The following UTP18 variants were observed in gnomAD, a reference collection of about 807,000 sequenced individuals.
The protein encoded by UTP18 is UTP18 small subunit processome component.
Under a neutral mutation model 61.1 loss-of-function variants are expected in UTP18, and 36 were observed. The observed-to-expected ratio is 0.59, with a 90% CI of 0.45 to 0.78. UTP18 has a LOEUF of 0.78. UTP18 is among the 30% of genes least tolerant of loss of function. The pLI, the probability that UTP18 is intolerant of heterozygous loss-of-function variation, is 0.00. For synonymous variants in UTP18, 282 were observed against 251.1 expected (o/e 1.12, Z -1.16); for missense variants, 753 against 693.9 (o/e 1.09, Z -0.96).
chr17:51,260,948 G>C lies in UTP18; in HGVS notation c.342+22G>C, dbSNP rs374587954. 2.7e-6 allele frequency: 4 copies of C among 1,505,974 alleles called. No homozygotes were observed. The South Asian group carries it at 3.8e-5, about 14-fold the overall frequency. The allele number at this position is 1,505,974 out of a possible 1,614,324, so 93.3% of individuals were successfully genotyped here. A position where few individuals can be genotyped will look rare whatever the true frequency, so the allele number is the denominator to read the frequency against. ...GAGGGTGAGGGAGGCCGCGGCGCGC[G>C]GGCTGGGCGCACTCGGGCGGGGCGC... On this transcript the variant is annotated intron_variant, in intron 1 of 13. Coordinates refer to ENST00000225298, the MANE Select transcript of UTP18 (RefSeq NM_016001.3).
chr17:51,263,927 C>T (rs1713827161), intron 2 of UTP18, among the ~76,000 whole-genome samples: 1 of 151,676 alleles, frequency 6.6e-6, no homozygotes. Flanking sequence ...ACATTTCTCC[C>T]TACTTAAAAA....
intron 3 of UTP18, among the ~76,000 whole-genome samples, chr17:51,266,554 A>G (rs1474657648): frequency 2.6e-5 from 4 of 152,230 alleles, no homozygotes; most frequent in African/African-American, 7.2e-5. Context: ...ATTTTATAAT[A>G]TGAACATTTT....
chr17:51,277,908 G>T (rs915086309), intron 7 of UTP18, among the ~76,000 whole-genome samples: 2 of 151,980 alleles, frequency 1.3e-5, no homozygotes, highest in African/African-American at 4.8e-5. Flanking sequence ...CATCCTTTGG[G>T]AACCAAAGCC....
intron 10 of UTP18, among the ~76,000 whole-genome samples, chr17:51,287,093 A>G (rs1008744115): frequency 2.6e-5 from 4 of 151,536 alleles, no homozygotes; most frequent in Non-Finnish European, 4.4e-5. Flanking sequence ...CGCAGAAATG[A>G]TCTTCACTCA....
In UTP18 at chr17:51,290,918, A is replaced by G. The variant is rs186119223; in HGVS notation, c.1503+2715A>G. On this transcript the variant is annotated intron_variant, in intron 11 of 13. Transcript: ENST00000225298. ...ATGATCTAGACGGTTTTGTCATCCC[A>G]TTACAAAGCACTGTGAATTTAAGCT... 4.0e-3 allele frequency among the ~76,000 whole-genome samples: 606 copies of G among 152,340 alleles called. 7 individuals carry two copies. Among genetic ancestry groups the G allele is most frequent in the African/African-American group, 0.014 (581 of 41,578 alleles).
chr17:51,273,185 AT>A (rs35339641), intron 4 of UTP18, among the ~76,000 whole-genome samples, 176 bp from the exon 5 acceptor site: 99,881 of 142,322 alleles, frequency 0.7, 34,808 homozygotes, highest in South Asian at 0.81. Context: ...CTCCTTTAAA[AT>A]TTTTTTTTTT....
Position 51,288,033 on chromosome 17 carries a change from A to T in UTP18, c.1333A>T (p.Asn445Tyr). 6.4e-7 allele frequency: 1 copy of T among 1,571,412 alleles called. No individual in the cohort carries two copies. The highest frequency in any genetic ancestry group is 2.3e-5 in the East Asian group (1 of 43,716). Residue 445 changes from asparagine (N) to tyrosine (Y), a missense_variant, in exon 11 of 14, where the codon AAT (asparagine) becomes TAT (tyrosine). Asn to Tyr is a moderately radical substitution (Grantham distance 143). Transcript: ENST00000225298. ...RNGQYVACGS[N>Y]CGVVNIYNQD... ...TTAATCCTTTTCTCTTTGTAGTTCT[A>T]ATTGTGGAGTGGTAAATATATACAA...
At chr17:51,270,703 C>T (rs1904500934) in intron 4 of UTP18, among the ~76,000 whole-genome samples, 1 of 152,142 alleles carries the variant, frequency 6.6e-6, no homozygotes, top group Admixed American at 6.5e-5. Context: ...TTTTTATTGG[C>T]CTTTCCTGGA....
intron 6 of UTP18, 28 bp from the exon 7 acceptor site, chr17:51,277,102 A>C: frequency 6.2e-7 from 1 of 1,605,472 alleles, no homozygotes; most frequent in Non-Finnish European, 8.5e-7. Flanking sequence ...GGAAATAATC[A>C]AAAGAACCAT....
At chr17:51,271,227 G>A (rs1904519187) in intron 4 of UTP18, among the ~76,000 whole-genome samples, 2 of 152,096 alleles carry the variant, frequency 1.3e-5, no homozygotes, top group South Asian at 4.1e-4. Flanking sequence ...ATTCTCACCT[G>A]TCTTCAAGTA....
intron 9 of UTP18, among the ~76,000 whole-genome samples, chr17:51,284,888 C>T (rs1905054209): frequency 6.6e-6 from 1 of 152,030 alleles, no homozygotes; most frequent in Non-Finnish European, 1.5e-5. Context: ...TGGTGAAACC[C>T]TGTCTCTACT....
intron 4 of UTP18, 118 bp downstream of exon 4, chr17:51,269,022 C>A: frequency 1.0e-6 from 1 of 981,608 alleles, no homozygotes; most frequent in Non-Finnish European, 1.5e-6. Context: ...CTCGGTAGCT[C>A]ACGCCTGTCA....
At chr17:51,275,797 CT>C in intron 5 of UTP18, 68 bp from the exon 6 acceptor site, 1 of 1,246,382 alleles carries the variant, frequency 8.0e-7, no homozygotes, top group Non-Finnish European at 1.0e-6. Context: ...AATGTCTTTT[CT>C]TCTTACTCTA....
chr17:51,273,407 A>G lies in UTP18; in HGVS notation c.668A>G (p.Asn223Ser). The stretch of plus-strand genomic sequence containing the variant: ...GATGATTTGTTGCAAAGGACTGGGA[A>G]TTTCATATCCACATCAACTTCTCTT... ...DEDDLLQRTG[N>S]FISTSTSLPR... is the part of the protein sequence containing the mutation. Residue 223 changes from asparagine to serine, a missense_variant, in exon 5 of 14, where the codon AAT becomes AGT. Coordinates refer to ENST00000225298, the MANE Select transcript of UTP18 (RefSeq NM_016001.3). The G allele has an allele frequency of 6.2e-7, 1 of 1,611,374 alleles. No homozygotes were observed. Among genetic ancestry groups the G allele is most frequent in the Non-Finnish European group, 8.5e-7 (1 of 1,178,816 alleles).
intron 4 of UTP18, among the ~76,000 whole-genome samples, chr17:51,269,606 C>T (rs1240433620): frequency 2.0e-5 from 3 of 152,116 alleles, no homozygotes; most frequent in African/African-American, 4.8e-5. Flanking sequence ...TGTCCCCTTT[C>T]TTCCTACCCT....
chr17:51,268,799 G>A (rs772467032), intron 3 of UTP18, 38 bp from the exon 4 acceptor site: 1 of 1,553,762 alleles, frequency 6.4e-7, no homozygotes, highest in Admixed American at 1.7e-5. Context: ...GACATGTAGT[G>A]GTTGCCATAA....
At chr17:51,282,940 C>T (rs1240462265) in intron 9 of UTP18, among the ~76,000 whole-genome samples, 2 of 148,130 alleles carry the variant, frequency 1.4e-5, no homozygotes, top group East Asian at 4.0e-4. Context: ...ACGATCTCGG[C>T]TCACTGTAAC....
Position 51,273,365 on chromosome 17 carries a change from A to G in UTP18, c.626A>G (p.Glu209Gly). The change falls in exon 5 of 14, where the codon GAA becomes GGA. Residue 209 changes from glutamate (E) to glycine (G), a missense_variant. By Grantham distance (98) the Glu-to-Gly change is moderately conservative. Coordinates refer to ENST00000225298, the MANE Select transcript of UTP18 (RefSeq NM_016001.3). Reference sequence around the variant, plus strand: ...CTTCTGGGTTTGTTTGACTTAGATGAAAGTGAAGAGGATGAAGATGATTTG... The same window carrying G: ...CTTCTGGGTTTGTTTGACTTAGATGGAAGTGAAGAGGATGAAGATGATTTG... Reference protein sequence around the residue: ...TTKRKTSSDDESEEDEDDLLQ... With the variant: ...TTKRKTSSDDGSEEDEDDLLQ... The G allele has an allele frequency of 6.2e-7, 1 of 1,606,920 alleles. No individual in the cohort carries two copies.
At chr17:51,279,383 A>C (rs1013990391) in intron 7 of UTP18, among the ~76,000 whole-genome samples, 1 of 152,264 alleles carries the variant, frequency 6.6e-6, no homozygotes, top group South Asian at 2.1e-4. Flanking sequence ...TTTGTAAGTA[A>C]GTTGACTGTA....
Sources: allele counts gnomAD v4.1 joint callset (sites outside exome capture counted in the v4.1 genomes callset), GRCh38; gene constraint gnomAD v4.1.1; transcripts MANE v1.5; gene names NCBI Gene and HGNC (gene_info 2026-07-23, HGNC 2026-07-21).